The following CLDN10 variants were observed in gnomAD, a reference collection of about 807,000 sequenced individuals.
CLDN10 encodes claudin 10.
In CLDN10, 15 loss-of-function variants were observed where a neutral mutation model predicts 22.9. The ratio of observed to expected loss-of-function variants is 0.65; its 90% CI spans 0.44 to 1.01. CLDN10 has a LOEUF of 1.01. CLDN10 is among the 50% of genes least tolerant of loss of function. The pLI is 0.00. For missense variants in CLDN10, 247 were observed against 287.8 expected, an observed-to-expected ratio of 0.86 and a Z score of 1.03; for synonymous variants, 114 against 111.4, an observed-to-expected ratio of 1.02 and a Z score of -0.15.
At chr13:95,506,360 A>G (rs1036400644) in intron 1 of CLDN10, among the ~76,000 whole-genome samples, 4 of 152,212 alleles carry the variant, frequency 2.6e-5, no homozygotes, top group African/African-American at 9.6e-5. Context: ...GCAGATCTCA[A>G]AAGAACAGCC....
intron 1 of CLDN10, among the ~76,000 whole-genome samples, chr13:95,445,125 T>C (rs1269932811): frequency 6.6e-6 from 1 of 152,184 alleles, no homozygotes; most frequent in Non-Finnish European, 1.5e-5. Flanking sequence ...CAGAGGATGA[T>C]GGTGACGACT....
chr13:95,544,888 T>C (rs1182370346), intron 1 of CLDN10, among the ~76,000 whole-genome samples: 1 of 152,000 alleles, frequency 6.6e-6, no homozygotes, highest in East Asian at 1.9e-4. Flanking sequence ...GCAATTCTCC[T>C]GCCTCAGCCT....
At chr13:95,508,132 A>C (rs924602951) in intron 1 of CLDN10, among the ~76,000 whole-genome samples, 1 of 152,108 alleles carries the variant, frequency 6.6e-6, no homozygotes, top group Non-Finnish European at 1.5e-5. Context: ...ATGACATAAA[A>C]TTATGTATGT....
upstream of CLDN10, among the ~76,000 whole-genome samples, chr13:95,550,820 CTTTTTTTTTTTTTTT>C (rs56225257): frequency 2.3e-5 from 2 of 85,530 alleles, no homozygotes; most frequent in South Asian, 5.0e-4. Context: ...TAGGAAGATA[CTTTTTTTTTTTTTTT>C]TTTTTTTTTT....
At chr13:95,437,562 G>T (rs989996062) in intron 1 of CLDN10, among the ~76,000 whole-genome samples, 1 of 152,208 alleles carries the variant, frequency 6.6e-6, no homozygotes, top group African/African-American at 2.4e-5. Flanking sequence ...ATCACCTTGG[G>T]ACAGGGGCTG....
At chr13:95,543,555 T>C (rs1016377107) in intron 1 of CLDN10, among the ~76,000 whole-genome samples, 5 of 152,154 alleles carry the variant, frequency 3.3e-5, no homozygotes, top group Non-Finnish European at 5.9e-5. Context: ...CCAAAATTCA[T>C]AAAATTTCCC....
chr13:95,553,051 A>AC, intron 1 of CLDN10, 78 bp downstream of exon 1: 1 of 1,544,130 alleles, frequency 6.5e-7, no homozygotes, highest in Non-Finnish European at 8.7e-7. Flanking sequence ...CGCCCCCAAT[A>AC]CCCCCAGCGG....
At chr13:95,462,037 A>G (rs1490172009) in intron 1 of CLDN10, among the ~76,000 whole-genome samples, 1 of 152,198 alleles carries the variant, frequency 6.6e-6, no homozygotes, top group Non-Finnish European at 1.5e-5. Flanking sequence ...TGAAAGCTGC[A>G]GTGAGTTATG....
intron 1 of CLDN10, among the ~76,000 whole-genome samples, chr13:95,465,351 A>G (rs1014011488): frequency 6.6e-6 from 1 of 152,132 alleles, no homozygotes; most frequent in Non-Finnish European, 1.5e-5. Context: ...CACAGAGCCA[A>G]ACCATATCAC....
At chr13:95,506,586 G>T (rs1224958986) in intron 1 of CLDN10, among the ~76,000 whole-genome samples, 1 of 152,152 alleles carries the variant, frequency 6.6e-6, no homozygotes, top group East Asian at 1.9e-4. Flanking sequence ...TCAAGCCTCA[G>T]GCCCTCACTG....
chr13:95,474,149 A>G (rs932004370), intron 1 of CLDN10, among the ~76,000 whole-genome samples: 16 of 152,190 alleles, frequency 1.1e-4, no homozygotes, highest in African/African-American at 3.9e-4. Context: ...AGCTTGTTTT[A>G]CTGAAACTAG....
At chr13:95,505,749 C>CT (rs34828390) in intron 1 of CLDN10, among the ~76,000 whole-genome samples, 29,672 of 103,822 alleles carry the variant, frequency 0.29, 3,833 homozygotes, top group South Asian at 0.32. Context: ...CCTTCCCTTT[C>CT]TTTTTTTTTT....
At chr13:95,446,771 G>A (rs921538037) in intron 1 of CLDN10, among the ~76,000 whole-genome samples, 7 of 152,116 alleles carry the variant, frequency 4.6e-5, no homozygotes, top group African/African-American at 1.7e-4. Flanking sequence ...GAACCCAGGA[G>A]GTAGAGGTTG....
chr13:95,576,820 A>G (rs2043936140), intron 3 of CLDN10, among the ~76,000 whole-genome samples: 1 of 152,218 alleles, frequency 6.6e-6, no homozygotes. Context: ...ACTAAATTGA[A>G]CTAACATGAA....
At chr13:95,570,247 A>G (rs1870720200) in intron 3 of CLDN10, among the ~76,000 whole-genome samples, 1 of 152,124 alleles carries the variant, frequency 6.6e-6, no homozygotes, top group Non-Finnish European at 1.5e-5. Context: ...TAAACCTGTT[A>G]TTGTGCCTAC....
At chr13:95,489,293 G>T (rs2042843378) in intron 1 of CLDN10, among the ~76,000 whole-genome samples, 1 of 152,062 alleles carries the variant, frequency 6.6e-6, no homozygotes, top group Non-Finnish European at 1.5e-5. Flanking sequence ...TTTCCATAGT[G>T]GCTGTTTATA....
At chr13:95,460,927 G>T (rs2042530714) in intron 1 of CLDN10, among the ~76,000 whole-genome samples, 1 of 152,222 alleles carries the variant, frequency 6.6e-6, no homozygotes, top group Middle Eastern at 3.4e-3. Flanking sequence ...TGGCCAACAT[G>T]GTGAAACCCC....
At chr13:95,565,046 C>A (rs1231220426) in intron 3 of CLDN10, among the ~76,000 whole-genome samples, 1 of 151,940 alleles carries the variant, frequency 6.6e-6, no homozygotes, top group Non-Finnish European at 1.5e-5. Flanking sequence ...CTTGCAGAGC[C>A]TTGAAAACTG....
chr13:95,456,127 T>C (rs1479061444), intron 1 of CLDN10, among the ~76,000 whole-genome samples: 7 of 152,230 alleles, frequency 4.6e-5, no homozygotes, highest in African/African-American at 1.7e-4. Context: ...TTTTATTTAT[T>C]GTGATGCCAG....
Sources: gnomAD v4.1 joint callset for allele counts (sites outside exome capture counted in the v4.1 genomes callset) on GRCh38, gnomAD v4.1.1 for gene constraint, MANE v1.5 for transcripts, NCBI Gene and HGNC (gene_info 2026-07-23, HGNC 2026-07-21) for gene names.